Variants in PTPRR observed in about 807,000 individuals in gnomAD.
PTPRR encodes the protein receptor-type tyrosine-protein phosphatase R.
A neutral mutation model predicts 77.2 loss-of-function variants in PTPRR; 38 were observed. That is an observed-to-expected ratio of 0.49 (90% CI 0.38 to 0.65). The LOEUF (loss-of-function observed/expected upper bound fraction) is 0.65. PTPRR is among the 30% of genes least tolerant of loss of function. PTPRR has a pLI of 0.00. For synonymous variants in PTPRR, 299 were observed against 283.1 expected (o/e 1.06, Z -0.57); for missense variants, 744 against 799.2 (o/e 0.93, Z 0.83).
chr12:70,853,580 C>T (rs944828547), intron 2 of PTPRR, among the ~76,000 whole-genome samples: 2 of 152,200 alleles, frequency 1.3e-5, no homozygotes, highest in African/African-American at 4.8e-5. Flanking sequence ...ATTGCTCAAT[C>T]TTGGTCTCGG....
At chr12:70,687,310 G>T (rs1342348403) in intron 8 of PTPRR, among the ~76,000 whole-genome samples, 2 of 9,778 alleles carry the variant, frequency 2.0e-4, no homozygotes, top group African/African-American at 3.6e-4. Context: ...TTGAAATAAA[G>T]ATATTTTATA....
At position 70,905,263 on chromosome 12, in the gene PTPRR, A is replaced by G. The variant is rs559638284; in HGVS notation, c.59-12286T>C. On this transcript the variant is annotated intron_variant, in intron 1 of 13. Coordinates refer to ENST00000283228, the MANE Select transcript of PTPRR (RefSeq NM_002849.4). ...TTTCTGTGTAGAAGGAGATGAAGTC[A>G]TCTCATAAGAGAGTGAGGACTAGGG... Among the ~76,000 whole-genome samples the G allele has an allele frequency of 5.3e-5, 8 of 152,024 alleles. No homozygotes were observed. In the South Asian group the frequency reaches 1.7e-3, roughly 32 times the overall value.
chr12:70,775,594 C>T (rs1288030011), intron 2 of PTPRR, among the ~76,000 whole-genome samples: 1 of 152,186 alleles, frequency 6.6e-6, no homozygotes, highest in Non-Finnish European at 1.5e-5. Context: ...CAGTAAGAGT[C>T]AGGACCACAC....
intron 2 of PTPRR, among the ~76,000 whole-genome samples, chr12:70,794,208 TA>T (rs1287663944): frequency 6.6e-6 from 1 of 152,228 alleles, no homozygotes; most frequent in Non-Finnish European, 1.5e-5. Context: ...ATATATTTTG[TA>T]AAAGGTGTTT....
At chr12:70,874,920 C>CAAAAAA (rs34592534) in intron 2 of PTPRR, among the ~76,000 whole-genome samples, 2 of 76,770 alleles carry the variant, frequency 2.6e-5, no homozygotes, top group African/African-American at 4.7e-5. Context: ...GACTCCATCT[C>CAAAAAA]AAAAAAAAAA....
rs1890195633 is a variant in PTPRR, at chr12:70,745,860, C to T, written c.965G>A (p.Cys322Tyr). 1 of 1,613,936 alleles carries T rather than the reference C, an allele frequency of 6.2e-7. No homozygotes were observed. Among genetic ancestry groups the T allele is most frequent in the Non-Finnish European group, 8.5e-7 (1 of 1,180,006 alleles). ...EIKATTATSV[C>Y]PSPFKMKPIG... is the part of the protein sequence containing the mutation. ...GGGCTTCATTTTGAAAGGAGAAGGG[C>T]AAACAGAGGTAGCGGTGGTAGCTTT... Residue 322 changes from cysteine (C) to tyrosine (Y), a missense_variant, in exon 6 of 14, where the codon TGC (cysteine) becomes TAC (tyrosine). This residue lies in a region of PTPRR where 570 missense variants were observed against 573.2 expected (regional missense o/e 0.99). Transcript: ENST00000283228.
intron 6 of PTPRR, among the ~76,000 whole-genome samples, chr12:70,742,503 G>A (rs1446491992): frequency 6.6e-6 from 1 of 152,128 alleles, no homozygotes; most frequent in Non-Finnish European, 1.5e-5. Context: ...GAGTCCAAGG[G>A]GGTGTTTAGC....
chr12:70,660,995 C>T lies in PTPRR; in HGVS notation c.1711G>A (p.Val571Ile). Residue 571 changes from valine (V) to isoleucine (I), a missense_variant, in exon 12 of 14, where the codon GTA becomes ATA. By Grantham distance (29) the Val-to-Ile change is conservative. Coordinates refer to ENST00000283228, the MANE Select transcript of PTPRR (RefSeq NM_002849.4). ...AQPLLQLMLD[V>I]EEDRLASQGR... ...TGGGAAGCAAGTCTGTCTTCTTCTA[C>T]ATCCAGCATGAGCTGTAGGAGGGGC... The T allele has an allele frequency of 6.2e-7, 1 of 1,613,840 alleles. No homozygotes were observed. The highest frequency in any genetic ancestry group is 1.1e-5 in the South Asian group (1 of 90,944).
chr12:70,840,971 CTTTTT>C (rs35818832), intron 2 of PTPRR, among the ~76,000 whole-genome samples: 1 of 133,282 alleles, frequency 7.5e-6, no homozygotes, highest in Non-Finnish European at 1.6e-5. Context: ...GTTTTTATGG[CTTTTT>C]TTTTTTTTTT....
chr12:70,660,892 A>G (rs1389168785), intron 12 of PTPRR, 48 bp downstream of exon 12: 1 of 1,537,172 alleles, frequency 6.5e-7, no homozygotes, highest in African/African-American at 1.4e-5. Context: ...CTGTGACTTT[A>G]CAAAGAATGG....
At position 70,759,702 on chromosome 12, in the gene PTPRR, A is replaced by C. The variant is rs1419898321; in HGVS notation, c.627+1769T>G. Reference sequence around the variant, plus strand: ...CTTAAAAAAAAAAAAAAAAAAAAAAAAAAACAAACGAAAGGTATGTAGATG... The same window carrying C: ...CTTAAAAAAAAAAAAAAAAAAAAAACAAAACAAACGAAAGGTATGTAGATG... On this transcript the variant is annotated intron_variant, in intron 4 of 13. Transcript: ENST00000283228. Among the ~76,000 whole-genome samples the C allele has an allele frequency of 5.3e-5, 8 of 150,396 alleles. No homozygotes were observed. In the East Asian group the frequency reaches 1.4e-3, roughly 26 times the overall value.
intron 2 of PTPRR, among the ~76,000 whole-genome samples, chr12:70,819,409 A>G (rs1043941440): frequency 6.6e-6 from 1 of 152,198 alleles, no homozygotes. Flanking sequence ...TTTGCAAAGT[A>G]TTTATGGTCA....
intron 2 of PTPRR, among the ~76,000 whole-genome samples, chr12:70,787,650 G>C (rs762172665): frequency 7.9e-5 from 12 of 152,156 alleles, no homozygotes; most frequent in Non-Finnish European, 1.2e-4. Flanking sequence ...CCATCATTTG[G>C]CATTATTACC....
intron 6 of PTPRR, among the ~76,000 whole-genome samples, chr12:70,706,085 G>A (rs1011807789): frequency 6.6e-6 from 1 of 152,098 alleles, no homozygotes; most frequent in Admixed American, 6.6e-5. Context: ...AGACAAAAGT[G>A]GAGAAATGGA....
intron 2 of PTPRR, among the ~76,000 whole-genome samples, chr12:70,813,453 C>A (rs1266435116): frequency 6.6e-6 from 1 of 152,184 alleles, no homozygotes; most frequent in Non-Finnish European, 1.5e-5. Context: ...ATATATTCAT[C>A]TCCTTTGAAC....
At chr12:70,716,542 C>T (rs1889038429) in intron 6 of PTPRR, among the ~76,000 whole-genome samples, 1 of 152,122 alleles carries the variant, frequency 6.6e-6, no homozygotes, top group African/African-American at 2.4e-5. Flanking sequence ...GCACATGCCC[C>T]ACTTTGAGAC....
chr12:70,850,360 GA>G (rs61515160), intron 2 of PTPRR, among the ~76,000 whole-genome samples: 17,931 of 145,084 alleles, frequency 0.12, 1,946 homozygotes, highest in African/African-American at 0.3. Context: ...TTCCATCTCA[GA>G]AAAAAAAAAA....
intron 2 of PTPRR, among the ~76,000 whole-genome samples, chr12:70,769,954 A>T (rs913765595): frequency 1.3e-5 from 2 of 152,146 alleles, no homozygotes; most frequent in African/African-American, 4.8e-5. Flanking sequence ...CTGGCTAGCC[A>T]TATGTAGAAA....
chr12:70,722,762 C>T (rs1291753257), intron 6 of PTPRR, among the ~76,000 whole-genome samples: 1 of 152,104 alleles, frequency 6.6e-6, no homozygotes, highest in African/African-American at 2.4e-5. Flanking sequence ...ATTCTCTGAG[C>T]CCTTCCTTGC....
Sources: gnomAD v4.1 joint callset for allele counts (sites outside exome capture counted in the v4.1 genomes callset) on GRCh38, gnomAD v4.1.1 for gene constraint, gnomAD v4.1.1 regional missense constraint, MANE v1.5 for transcripts, NCBI Gene and HGNC (gene_info 2026-07-23, HGNC 2026-07-21) for gene names.